RBM41: variants seen among roughly 807,000 people sequenced by gnomAD.
RBM41 encodes the protein RNA binding motif protein 41.
A neutral mutation model predicts 30.8 loss-of-function variants in RBM41; 14 were observed. The ratio of observed to expected loss-of-function variants is 0.45; its 90% CI spans 0.30 to 0.71. The LOEUF is 0.71. Ranked by LOEUF, RBM41 falls within the 30% of genes least tolerant of loss-of-function variation. RBM41 has a pLI of 0.08. For missense variants in RBM41, 276 were observed against 326.3 expected (o/e 0.85, Z 1.19); for synonymous variants, 120 against 110.1 (o/e 1.09, Z -0.56).
chrX:107,098,498 A>C, intron 5 of RBM41, among the ~76,000 whole-genome samples: 1 of 111,801 alleles, frequency 8.9e-6, no homozygotes, highest in Admixed American at 9.5e-5. Flanking sequence ...TGAACACCTG[A>C]TATATGACAG....
chrX:107,095,205 C>T (rs917309657), intron 5 of RBM41, among the ~76,000 whole-genome samples: 1 of 104,459 alleles, frequency 9.6e-6, no homozygotes, highest in African/African-American at 3.5e-5. Context: ...TCTTTATTCA[C>T]AGGAAATAGG....
intron 5 of RBM41, among the ~76,000 whole-genome samples, chrX:107,091,259 T>C (rs1922518027): frequency 8.9e-6 from 1 of 112,109 alleles, no homozygotes; most frequent in Non-Finnish European, 1.9e-5. Flanking sequence ...TCCTACAATA[T>C]ACTTACAGAA....
chrX:107,118,314 C>T (rs1159503325), intron 1 of RBM41, among the ~76,000 whole-genome samples: 1 of 109,325 alleles, frequency 9.1e-6, no homozygotes, highest in East Asian at 2.9e-4. Context: ...GGTTTCGGGG[C>T]CCAAGCAAGT....
At chrX:107,079,117 TGTCCTTTCATTTGG>T (rs1169548525) in intron 6 of RBM41, among the ~76,000 whole-genome samples, 5 of 111,483 alleles carry the variant, frequency 4.5e-5, no homozygotes, top group Non-Finnish European at 7.5e-5. Flanking sequence ...GCTACTGGTG[TGTCCTTTCATTTGG>T]GTCCTTTCAT....
At chrX:107,107,044 A>G (rs1285284774) in intron 5 of RBM41, among the ~76,000 whole-genome samples, 2 of 111,766 alleles carry the variant, frequency 1.8e-5, no homozygotes, top group Admixed American at 1.9e-4. Flanking sequence ...ATCTAAATGT[A>G]TTATTTGTTC....
At chrX:107,058,496 T>G (rs915244989), downstream of RBM41, among the ~76,000 whole-genome samples, 4 of 110,693 alleles carry the variant, frequency 3.6e-5, no homozygotes, top group Admixed American at 9.7e-5. Flanking sequence ...TGAGTTTAAC[T>G]TACTCAGGTT....
chrX:107,112,723 C>T (rs746089800), intron 5 of RBM41: 105 of 226,364 alleles, frequency 4.6e-4, no homozygotes, highest in South Asian at 1.0e-3. Flanking sequence ...TATTGATACA[C>T]GCAACAACTC....
intron 5 of RBM41, among the ~76,000 whole-genome samples, chrX:107,104,538 C>CT (rs1185890548): frequency 6.3e-5 from 7 of 110,909 alleles, no homozygotes; most frequent in Non-Finnish European, 1.1e-4. Flanking sequence ...TTAATATTAT[C>CT]TTTTTTAGGG....
intron 6 of RBM41, among the ~76,000 whole-genome samples, chrX:107,083,071 AT>A (rs1233617390): frequency 2.7e-3 from 275 of 101,143 alleles, no homozygotes; most frequent in African/African-American, 7.2e-3. Flanking sequence ...TTTTGAAAGC[AT>A]TTTTTTTTTT....
At chrX:107,112,023 G>A (rs764612328) in intron 5 of RBM41, among the ~76,000 whole-genome samples, 3 of 111,143 alleles carry the variant, frequency 2.7e-5, no homozygotes, top group Non-Finnish European at 5.7e-5. Flanking sequence ...TGGTTTAAAT[G>A]GTAAATTTTA....
intron 5 of RBM41, among the ~76,000 whole-genome samples, chrX:107,098,485 A>G (rs772613109): frequency 1.8e-5 from 2 of 111,995 alleles, no homozygotes; most frequent in East Asian, 5.6e-4. Context: ...ATTCATTCAT[A>G]TATGAACACC....
chrX:107,098,308 A>G (rs749537043), intron 5 of RBM41, among the ~76,000 whole-genome samples: 3 of 111,981 alleles, frequency 2.7e-5, no homozygotes, highest in South Asian at 3.7e-4. Context: ...AGATTTTCAA[A>G]TTTACATGGA....
intron 5 of RBM41, among the ~76,000 whole-genome samples, chrX:107,100,828 C>T (rs6622152): frequency 0.3 from 33,618 of 110,999 alleles, 4,804 homozygotes; most frequent in African/African-American, 0.54. Context: ...GTGATATATA[C>T]AGCCCCCCAA....
At chrX:107,102,228 T>G (rs1216474989) in intron 5 of RBM41, among the ~76,000 whole-genome samples, 1 of 111,527 alleles carries the variant, frequency 9.0e-6, no homozygotes, top group Non-Finnish European at 1.9e-5. Flanking sequence ...AACTTAAAAG[T>G]GACAAACTGA....
intron 5 of RBM41, among the ~76,000 whole-genome samples, chrX:107,089,225 A>G (rs534764781): frequency 1.8e-5 from 2 of 112,304 alleles, no homozygotes; most frequent in East Asian, 2.8e-4. Flanking sequence ...TGTTTATTCA[A>G]TTCAAAATCT....
At chrX:107,113,524 A>T (rs931057517) in intron 4 of RBM41, 56 bp from the exon 5 acceptor site, 150 of 976,221 alleles carry the variant, frequency 1.5e-4, no homozygotes, top group Non-Finnish European at 1.9e-4. Context: ...AGATTCATAA[A>T]CCACCCACCC....
At chrX:107,097,340 G>C (rs1923066718) in intron 5 of RBM41, among the ~76,000 whole-genome samples, 1 of 111,856 alleles carries the variant, frequency 8.9e-6, no homozygotes, top group African/African-American at 3.3e-5. Flanking sequence ...TATTGACATG[G>C]TTTGGCTCTG....
rs185880162 is a variant in RBM41, at chrX:107,104,253, C to T, written c.595+9144G>A. Among the ~76,000 whole-genome samples the T allele has an allele frequency of 3.1e-3, 347 of 111,594 alleles. 1 individual carries two copies. Among genetic ancestry groups the T allele is most frequent in the African/African-American group, 0.011 (341 of 30,762 alleles). On this transcript the variant is annotated intron_variant, in intron 5 of 7. Transcript: ENST00000685964. ...TTAATAAATATTTAACTCTAATTAA[C>T]AGTATACATGCTGAAGTATTTCGGG... is the stretch of plus-strand genomic sequence containing the variant.
chrX:107,111,844 T>C (rs1054065092), intron 5 of RBM41, among the ~76,000 whole-genome samples: 4 of 110,807 alleles, frequency 3.6e-5, no homozygotes, highest in African/African-American at 1.3e-4. Flanking sequence ...AAACAGAAAG[T>C]AGGATGGTGG....
Sources: gnomAD v4.1 joint callset for allele counts (sites outside exome capture counted in the v4.1 genomes callset) on GRCh38, gnomAD v4.1.1 for gene constraint, MANE v1.5 for transcripts, NCBI Gene and HGNC (gene_info 2026-07-23, HGNC 2026-07-21) for gene names.